Variants in MAGI2 observed in about 807,000 individuals in gnomAD.
MAGI2 encodes membrane associated guanylate kinase, WW and PDZ domain containing 2.
MAGI2 carries 35 observed loss-of-function variants against 133.3 expected under a neutral mutation model. The ratio of observed to expected loss-of-function variants is 0.26; its 90% CI spans 0.20 to 0.35. The LOEUF (loss-of-function observed/expected upper bound fraction) is 0.35, where lower values mean the gene tolerates loss of function less well. Among genes scored for constraint, MAGI2 ranks in the 10% least tolerant of loss-of-function variants. The pLI is 1.00. For missense variants in MAGI2, 1,636 were observed against 1,863.4 expected, an observed-to-expected ratio of 0.88 and a Z score of 2.25; for synonymous variants, 729 against 710.6, an observed-to-expected ratio of 1.03 and a Z score of -0.41.
At chr7:78,162,517 T>G (rs1825153458) in intron 15 of MAGI2, among the ~76,000 whole-genome samples, 1 of 137,198 alleles carries the variant, frequency 7.3e-6, no homozygotes. Flanking sequence ...AGAGCGAGAC[T>G]CTGCCTCAAA....
intron 3 of MAGI2, among the ~76,000 whole-genome samples, chr7:78,609,460 TA>T (rs1806199744): frequency 6.6e-6 from 1 of 152,150 alleles, no homozygotes; most frequent in Non-Finnish European, 1.5e-5. Flanking sequence ...AAAAAGTCAA[TA>T]AATCTTATGT....
chr7:79,078,691 T>C (rs992519621), intron 1 of MAGI2, among the ~76,000 whole-genome samples: 4 of 152,228 alleles, frequency 2.6e-5, no homozygotes, highest in Non-Finnish European at 4.4e-5. Context: ...ATCTTGGTAA[T>C]TGGAAGTCAA....
At chr7:79,016,532 C>T (rs1430939447) in intron 1 of MAGI2, among the ~76,000 whole-genome samples, 5 of 152,216 alleles carry the variant, frequency 3.3e-5, no homozygotes, top group African/African-American at 1.2e-4. Context: ...CTTCTCCTAC[C>T]ACAGTCTCCC....
chr7:78,704,001 A>C lies in MAGI2; in HGVS notation c.419-76762T>G, dbSNP rs949450114. 2.6e-5 allele frequency among the ~76,000 whole-genome samples: 4 copies of C among 152,146 alleles called. No homozygotes were observed. The South Asian group carries it at 8.3e-4, about 31-fold the overall frequency. On this transcript the variant is annotated intron_variant, in intron 2 of 21. Transcript: ENST00000354212. The stretch of plus-strand genomic sequence containing the variant: ...GATAACCTAGGAAATACCACTGTGG[A>C]CATAGGCCCTGGCAAAGATTTCACG...
At chr7:78,705,397 A>C (rs569573293) in intron 2 of MAGI2, among the ~76,000 whole-genome samples, 12 of 152,234 alleles carry the variant, frequency 7.9e-5, no homozygotes, top group African/African-American at 2.4e-4. Context: ...ACTGTGAGTC[A>C]AGTAAACCTC....
intron 1 of MAGI2, among the ~76,000 whole-genome samples, chr7:79,449,877 C>CATATATATAT (rs59881896): frequency 0.053 from 6,443 of 120,460 alleles, 242 homozygotes; most frequent in Non-Finnish European, 0.062. Context: ...GAGATATATA[C>CATATATATAT]ATATATATAT....
At chr7:78,377,830 C>A (rs370618555) in intron 6 of MAGI2, among the ~76,000 whole-genome samples, 49 of 145,390 alleles carry the variant, frequency 3.4e-4, no homozygotes, top group Middle Eastern at 3.6e-3. Flanking sequence ...TCAAACTAAA[C>A]AAAAAAAAAG....
chr7:79,094,046 G>A (rs778572988), intron 1 of MAGI2, among the ~76,000 whole-genome samples: 9 of 152,080 alleles, frequency 5.9e-5, no homozygotes, highest in Non-Finnish European at 1.2e-4. Flanking sequence ...AACAAATTTA[G>A]CATATCAATG....
At chr7:79,331,887 G>A (rs1840098027) in intron 1 of MAGI2, among the ~76,000 whole-genome samples, 1 of 151,040 alleles carries the variant, frequency 6.6e-6, no homozygotes. Flanking sequence ...CATGGCACAT[G>A]TATACATATG....
At chr7:78,555,721 T>C (rs1373389539) in intron 3 of MAGI2, among the ~76,000 whole-genome samples, 1 of 152,144 alleles carries the variant, frequency 6.6e-6, no homozygotes, top group Admixed American at 6.5e-5. Context: ...ATTACCACAT[T>C]TGAGAAAGTC....
chr7:79,034,412 C>T (rs374423974), intron 1 of MAGI2, among the ~76,000 whole-genome samples: 1 of 152,168 alleles, frequency 6.6e-6, no homozygotes, highest in Non-Finnish European at 1.5e-5. Context: ...ACCAAAATAA[C>T]TTTCCAGTTG....
intron 1 of MAGI2, among the ~76,000 whole-genome samples, chr7:79,255,854 T>G (rs1833644483): frequency 6.6e-6 from 1 of 152,212 alleles, no homozygotes; most frequent in Non-Finnish European, 1.5e-5. Flanking sequence ...ATATGAAATT[T>G]ACCCAAACCA....
At chr7:78,226,962 G>T (rs1295942540) in intron 10 of MAGI2, among the ~76,000 whole-genome samples, 1 of 152,140 alleles carries the variant, frequency 6.6e-6, no homozygotes, top group South Asian at 2.1e-4. Context: ...AAATGCATGG[G>T]TTTTAAAATC....
intron 1 of MAGI2, among the ~76,000 whole-genome samples, chr7:79,184,849 G>T (rs1826936789): frequency 6.6e-6 from 1 of 151,536 alleles, no homozygotes; most frequent in South Asian, 2.1e-4. Flanking sequence ...AAAAAATAAA[G>T]CTTGATGTGA....
At chr7:79,212,400 A>T (rs1829574836) in intron 1 of MAGI2, among the ~76,000 whole-genome samples, 1 of 152,132 alleles carries the variant, frequency 6.6e-6, no homozygotes, top group Non-Finnish European at 1.5e-5. Flanking sequence ...TGTACATTTT[A>T]AAGTTTAAAA....
At chr7:78,069,955 C>T (rs902145233) in intron 21 of MAGI2, among the ~76,000 whole-genome samples, 13 of 151,732 alleles carry the variant, frequency 8.6e-5, no homozygotes, top group Non-Finnish European at 4.4e-5. Flanking sequence ...TACATGGGTG[C>T]TCTTCTTGAT....
intron 3 of MAGI2, among the ~76,000 whole-genome samples, chr7:78,590,480 C>A (rs530813705): frequency 2.0e-4 from 30 of 152,192 alleles, no homozygotes; most frequent in Admixed American, 2.0e-4. Context: ...CAGGCATTTG[C>A]GGAATAGCAA....
chr7:78,504,792 T>A (rs67219137), intron 4 of MAGI2, among the ~76,000 whole-genome samples: 18,371 of 152,030 alleles, frequency 0.12, 1,544 homozygotes, highest in African/African-American at 0.24. Context: ...ATCAATGAGA[T>A]TATAATTAAA....
At chr7:79,177,769 G>A (rs982263477) in intron 1 of MAGI2, among the ~76,000 whole-genome samples, 1 of 152,020 alleles carries the variant, frequency 6.6e-6, no homozygotes, top group Non-Finnish European at 1.5e-5. Flanking sequence ...TGATTTTGTA[G>A]AGCCTACAAT....
Sources: allele counts gnomAD v4.1 joint callset (sites outside exome capture counted in the v4.1 genomes callset), GRCh38; gene constraint gnomAD v4.1.1; transcripts MANE v1.5; gene names NCBI Gene and HGNC (gene_info 2026-07-23, HGNC 2026-07-21).